The following CCSER1 variants were observed in gnomAD, a reference collection of about 807,000 sequenced individuals.
CCSER1 encodes serine-rich coiled-coil domain-containing protein 1.
CCSER1 carries 41 observed loss-of-function variants against 82.0 expected under a neutral mutation model. The ratio of observed to expected loss-of-function variants is 0.50; its 90% CI spans 0.39 to 0.65. The LOEUF (loss-of-function observed/expected upper bound fraction) is 0.65, where lower values mean the gene tolerates loss of function less well. Ranked by LOEUF, CCSER1 falls within the 30% of genes least tolerant of loss-of-function variation. The probability of loss-of-function intolerance (pLI) is 0.00; values close to 1 mark genes in which losing one functional copy is unlikely to be tolerated. For synonymous variants in CCSER1, 414 were observed against 383.9 expected, an observed-to-expected ratio of 1.08 and a Z score of -0.92; for missense variants, 1,119 against 1,064.2, an observed-to-expected ratio of 1.05 and a Z score of -0.72.
chr4:90,749,923 T>C (rs1348651776), intron 7 of CCSER1, among the ~76,000 whole-genome samples: 2 of 151,922 alleles, frequency 1.3e-5, no homozygotes, highest in African/African-American at 4.8e-5. Context: ...GTAAAAGTGT[T>C]CCTATTTCTC....
At chr4:90,911,158 G>A (rs1366309841) in intron 8 of CCSER1, 2 of 396,202 alleles carry the variant, frequency 5.0e-6, no homozygotes, top group Non-Finnish European at 9.7e-6. Context: ...GGTAATGATT[G>A]CATAAGAGTT....
chr4:90,165,119 A>T (rs181997734), intron 1 of CCSER1, among the ~76,000 whole-genome samples: 87 of 152,196 alleles, frequency 5.7e-4, no homozygotes, highest in African/African-American at 1.9e-3. Flanking sequence ...AAGACCTAGA[A>T]TTTTAACCTT....
At chr4:91,506,122 G>A (rs1035415189) in intron 10 of CCSER1, among the ~76,000 whole-genome samples, 3 of 152,260 alleles carry the variant, frequency 2.0e-5, no homozygotes, top group African/African-American at 7.2e-5. Flanking sequence ...AAGGTGTAAG[G>A]AAGGGGTCCA....
intron 10 of CCSER1, among the ~76,000 whole-genome samples, chr4:91,443,092 A>T (rs1057320617): frequency 6.6e-6 from 1 of 152,078 alleles, no homozygotes; most frequent in Non-Finnish European, 1.5e-5. Context: ...AGAACTAGAA[A>T]TACCATTTGA....
At chr4:90,654,550 T>A (rs983489135) in intron 6 of CCSER1, among the ~76,000 whole-genome samples, 1 of 152,136 alleles carries the variant, frequency 6.6e-6, no homozygotes, top group Non-Finnish European at 1.5e-5. Context: ...TCTCTTCTGT[T>A]ACATAGCATT....
chr4:90,429,865 G>C (rs531169679), intron 4 of CCSER1, among the ~76,000 whole-genome samples: 1 of 151,816 alleles, frequency 6.6e-6, no homozygotes, highest in Admixed American at 6.6e-5. Flanking sequence ...TGTTTAGTTA[G>C]AGTGAAGGTA....
At chr4:90,479,542 A>T (rs560149729) in intron 5 of CCSER1, among the ~76,000 whole-genome samples, 1 of 151,840 alleles carries the variant, frequency 6.6e-6, no homozygotes, top group African/African-American at 2.4e-5. Flanking sequence ...CCACCCCACA[A>T]CAGGCCCTGG....
chr4:91,192,224 A>C (rs576960634), intron 10 of CCSER1, among the ~76,000 whole-genome samples: 1 of 152,030 alleles, frequency 6.6e-6, no homozygotes, highest in East Asian at 1.9e-4. Flanking sequence ...CTTGCCTTTT[A>C]ATTGTGGTTG....
chr4:90,467,385 A>C (rs558917399), intron 4 of CCSER1, among the ~76,000 whole-genome samples: 1 of 151,568 alleles, frequency 6.6e-6, no homozygotes, highest in South Asian at 2.1e-4. Flanking sequence ...CTCCTTCTAA[A>C]AAAATAAAAA....
At chr4:91,009,525 C>G (rs1738828798) in intron 9 of CCSER1, among the ~76,000 whole-genome samples, 1 of 152,176 alleles carries the variant, frequency 6.6e-6, no homozygotes. Context: ...AGTCCTGTCT[C>G]TCACTGACAT....
At chr4:91,164,256 C>A (rs1731775792) in intron 10 of CCSER1, among the ~76,000 whole-genome samples, 1 of 152,124 alleles carries the variant, frequency 6.6e-6, no homozygotes, top group Admixed American at 6.6e-5. Flanking sequence ...TGAATATTGA[C>A]CCCCACTTTT....
chr4:91,440,147 A>G (rs1755014175), intron 10 of CCSER1, among the ~76,000 whole-genome samples: 1 of 152,118 alleles, frequency 6.6e-6, no homozygotes. Context: ...TCCACCCCAA[A>G]TCAACAGAAT....
chr4:90,915,876 A>C (rs1220456274), intron 8 of CCSER1, among the ~76,000 whole-genome samples: 2 of 151,974 alleles, frequency 1.3e-5, no homozygotes, highest in African/African-American at 2.4e-5. Context: ...AATAACAGAC[A>C]AACAGAGAGC....
chr4:90,557,436 G>A (rs1177302823), intron 5 of CCSER1, among the ~76,000 whole-genome samples: 2 of 151,968 alleles, frequency 1.3e-5, no homozygotes, highest in Non-Finnish European at 2.9e-5. Flanking sequence ...GAACAAATTG[G>A]CCTCATTCAT....
chr4:90,394,578 A>G (rs939419125), intron 3 of CCSER1, among the ~76,000 whole-genome samples: 11 of 152,300 alleles, frequency 7.2e-5, no homozygotes, highest in Admixed American at 6.5e-4. Flanking sequence ...AGCTACATAA[A>G]TCTTACATAC....
At chr4:90,538,065 C>A (rs1448367163) in intron 5 of CCSER1, among the ~76,000 whole-genome samples, 2 of 152,052 alleles carry the variant, frequency 1.3e-5, no homozygotes, top group Non-Finnish European at 2.9e-5. Flanking sequence ...TTAGAAATTT[C>A]TTTCCCGTTG....
intron 6 of CCSER1, among the ~76,000 whole-genome samples, chr4:90,638,646 A>G (rs1390587102): frequency 1.3e-5 from 2 of 152,204 alleles, no homozygotes; most frequent in Non-Finnish European, 2.9e-5. Flanking sequence ...TTCTGCCTAC[A>G]TAAATAAGGC....
At chr4:90,887,060 G>GAAGTATATA (rs1164051613) in intron 8 of CCSER1, among the ~76,000 whole-genome samples, 3 of 152,100 alleles carry the variant, frequency 2.0e-5, no homozygotes, top group Non-Finnish European at 4.4e-5. Context: ...CCTTAATGAT[G>GAAGTATATA]AAGTATATAA....
At chr4:91,019,292 C>G (rs745578657) in intron 9 of CCSER1, among the ~76,000 whole-genome samples, 1 of 151,772 alleles carries the variant, frequency 6.6e-6, no homozygotes, top group Non-Finnish European at 1.5e-5. Context: ...ATATTCCACA[C>G]TGGGCTACTT....
Sources: allele counts gnomAD v4.1 joint callset (sites outside exome capture counted in the v4.1 genomes callset), GRCh38; gene constraint gnomAD v4.1.1; transcripts MANE v1.5; gene names NCBI Gene and HGNC (gene_info 2026-07-23, HGNC 2026-07-21).